Variants in COX7B2 observed in about 807,000 individuals in gnomAD.
COX7B2 encodes the protein cytochrome c oxidase subunit 7B2, also known as cytochrome c oxidase subunit 7B2, mitochondrial.
For missense variants in COX7B2, 109 were observed against 95.9 expected (o/e 1.14, Z -0.57); for synonymous variants, 37 against 32.1 (o/e 1.15, Z -0.51).
intron 2 of COX7B2, among the ~76,000 whole-genome samples, chr4:46,803,577 C>T (rs1367750591): frequency 6.6e-6 from 1 of 152,052 alleles, no homozygotes; most frequent in Non-Finnish European, 1.5e-5. Context: ...CTTACACTTT[C>T]TCCCAGTTTC....
At chr4:46,755,526 A>G (rs952433312) in intron 2 of COX7B2, among the ~76,000 whole-genome samples, 2 of 152,138 alleles carry the variant, frequency 1.3e-5, no homozygotes, top group African/African-American at 4.8e-5. Flanking sequence ...AAGTCAACGT[A>G]TCCCTGTTTA....
At chr4:46,784,208 C>A (rs1032745091) in intron 2 of COX7B2, among the ~76,000 whole-genome samples, 10 of 151,962 alleles carry the variant, frequency 6.6e-5, no homozygotes, top group African/African-American at 1.9e-4. Context: ...GAAAAACATA[C>A]AATGAGTAGA....
chr4:46,864,696 G>C (rs761691953), intron 1 of COX7B2, among the ~76,000 whole-genome samples: 1 of 151,804 alleles, frequency 6.6e-6, no homozygotes. Flanking sequence ...CCAGGCTGGA[G>C]TGCAGTGGCG....
chr4:46,753,466 G>A (rs1400542821), intron 2 of COX7B2, among the ~76,000 whole-genome samples: 4 of 151,692 alleles, frequency 2.6e-5, no homozygotes, highest in African/African-American at 9.7e-5. Flanking sequence ...ATGGGGAAAG[G>A]ATTCCCTGTT....
At chr4:46,879,524 A>G (rs1718569943) in intron 1 of COX7B2, among the ~76,000 whole-genome samples, 1 of 147,856 alleles carries the variant, frequency 6.8e-6, no homozygotes, top group African/African-American at 2.5e-5. Flanking sequence ...TTATAGGCCA[A>G]TGAAATGTAA....
At chr4:46,822,033 T>C (rs1364972257) in intron 2 of COX7B2, among the ~76,000 whole-genome samples, 2 of 152,180 alleles carry the variant, frequency 1.3e-5, no homozygotes, top group African/African-American at 4.8e-5. Context: ...TGCCTCAGCC[T>C]CCTGAGTAGC....
At chr4:46,846,488 T>C (rs1716285528) in intron 1 of COX7B2, among the ~76,000 whole-genome samples, 1 of 152,018 alleles carries the variant, frequency 6.6e-6, no homozygotes, top group Non-Finnish European at 1.5e-5. Context: ...GACTCATCTG[T>C]AATGTTTCAC....
chr4:46,806,713 C>A (rs541888824), intron 2 of COX7B2, among the ~76,000 whole-genome samples: 2 of 152,114 alleles, frequency 1.3e-5, no homozygotes, highest in South Asian at 4.1e-4. Flanking sequence ...CTCTGATAAC[C>A]ACTACTCTGT....
At chr4:46,830,047 C>T (rs908764664) in intron 2 of COX7B2, among the ~76,000 whole-genome samples, 35 of 151,904 alleles carry the variant, frequency 2.3e-4, no homozygotes, top group Admixed American at 2.0e-4. Flanking sequence ...GGATAGAGGC[C>T]GGGCGCGGTG....
At chr4:46,752,781 G>C (rs963118427) in intron 2 of COX7B2, among the ~76,000 whole-genome samples, 3 of 152,086 alleles carry the variant, frequency 2.0e-5, no homozygotes, top group Non-Finnish European at 2.9e-5. Flanking sequence ...ACTTGATCGT[G>C]GTCAATAAGC....
chr4:46,756,309 T>C (rs1715794385), intron 2 of COX7B2, among the ~76,000 whole-genome samples: 1 of 151,946 alleles, frequency 6.6e-6, no homozygotes, highest in Non-Finnish European at 1.5e-5. Flanking sequence ...AAAAATTAAC[T>C]CAAGATGGGT....
rs560005493 is a variant in COX7B2 at position 46,859,504 on chromosome 4, C to T, written c.-104-14490G>A. 7.9e-5 allele frequency among the ~76,000 whole-genome samples: 12 copies of T among 152,252 alleles called. No homozygotes were observed. In the East Asian group the frequency reaches 2.3e-3, roughly 29 times the overall value. ...CTGGGGAAGTGGAATAACTGAAGGA[C>T]TTTTAATTATGAAAGCCCGAGAGGT... On this transcript the variant is annotated intron_variant, in intron 1 of 2. Coordinates refer to ENST00000355591, the MANE Select transcript of COX7B2 (RefSeq NM_130902.3).
At chr4:46,902,122 A>G (rs572529425) in intron 1 of COX7B2, among the ~76,000 whole-genome samples, 2 of 152,270 alleles carry the variant, frequency 1.3e-5, no homozygotes, top group African/African-American at 4.8e-5. Flanking sequence ...TTCCAATATT[A>G]TACAGATCTT....
chr4:46,865,362 G>A (rs1340235475), intron 1 of COX7B2, among the ~76,000 whole-genome samples: 1 of 152,174 alleles, frequency 6.6e-6, no homozygotes, highest in East Asian at 1.9e-4. Flanking sequence ...ATTAGTTGGT[G>A]GCACTTAGGT....
intron 2 of COX7B2, among the ~76,000 whole-genome samples, chr4:46,757,036 A>G (rs1426696830): frequency 6.6e-6 from 1 of 152,130 alleles, no homozygotes; most frequent in Non-Finnish European, 1.5e-5. Context: ...GATGGAATCA[A>G]CCTAAGTGTC....
At chr4:46,804,159 G>T (rs1385622316) in intron 2 of COX7B2, among the ~76,000 whole-genome samples, 1 of 152,192 alleles carries the variant, frequency 6.6e-6, no homozygotes, top group Non-Finnish European at 1.5e-5. Flanking sequence ...GTTCCTCGCG[G>T]TGGGTTCGTG....
chr4:46,824,433 C>A, intron 2 of COX7B2, among the ~76,000 whole-genome samples: 1 of 151,872 alleles, frequency 6.6e-6, no homozygotes. Flanking sequence ...AAATTGAGCC[C>A]GTTGAATCAG....
intron 1 of COX7B2, among the ~76,000 whole-genome samples, chr4:46,863,135 A>G (rs1717436649): frequency 6.6e-6 from 1 of 152,176 alleles, no homozygotes; most frequent in Non-Finnish European, 1.5e-5. Context: ...AGCTATGTAA[A>G]GGTTAATTCA....
chr4:46,903,289 C>A (rs569961410), intron 1 of COX7B2, among the ~76,000 whole-genome samples: 2 of 152,246 alleles, frequency 1.3e-5, no homozygotes, highest in East Asian at 3.9e-4. Flanking sequence ...TGAATTTATT[C>A]TTCTGCCACC....
Sources: allele counts gnomAD v4.1 joint callset (sites outside exome capture counted in the v4.1 genomes callset), GRCh38; gene constraint gnomAD v4.1.1; transcripts MANE v1.5; gene names NCBI Gene and HGNC (gene_info 2026-07-23, HGNC 2026-07-21).